The following VTCN1 variants were observed in gnomAD, a reference collection of about 807,000 sequenced individuals.
VTCN1 encodes the protein V-set domain containing T cell activation inhibitor 1.
VTCN1 carries 26 observed loss-of-function variants against 26.5 expected under a neutral mutation model. That is an observed-to-expected ratio of 0.98 (90% CI 0.72 to 1.36). The LOEUF (loss-of-function observed/expected upper bound fraction) is 1.36, where lower values mean the gene tolerates loss of function less well. Among genes scored for constraint, VTCN1 ranks in the 40% most tolerant of loss-of-function variants. The probability of loss-of-function intolerance (pLI) is 0.00; values close to 1 mark genes in which losing one functional copy is unlikely to be tolerated. For synonymous variants in VTCN1, 116 were observed against 130.7 expected (o/e 0.89, Z 0.77); for missense variants, 298 against 337.7 (o/e 0.88, Z 0.92).
intron 3 of VTCN1, 92 bp from the exon 4 acceptor site, chr1:117,153,461 A>ATTTT (rs57126217): frequency 3.9e-5 from 44 of 1,117,282 alleles, no homozygotes; most frequent in Middle Eastern, 3.0e-4. Context: ...AAATGCAGTC[A>ATTTT]TTTTTTTTTT....
chr1:117,153,153 T>C lies in VTCN1; in HGVS notation c.662A>G (p.Asn221Ser). Residue 221 changes from asparagine (N) to serine (S), a missense_variant, in exon 4 of 6, where the codon AAC becomes AGC. Coordinates refer to ENST00000369458, the MANE Select transcript of VTCN1 (RefSeq NM_024626.4). Reference sequence around the variant, plus strand: ...ATTTTCAATCATACAGGAGTATGTGTTGTTGATCGTAACATTGTAGAGCAC... The same window carrying C: ...ATTTTCAATCATACAGGAGTATGTGCTGTTGATCGTAACATTGTAGAGCAC... ...VSVLYNVTIN[N>S]TYSCMIENDI... 6.2e-7 allele frequency: 1 copy of C among 1,614,076 alleles called. No homozygotes were observed. The highest frequency in any genetic ancestry group is 8.5e-7 in the Non-Finnish European group (1 of 1,180,016).
intron 2 of VTCN1, among the ~76,000 whole-genome samples, chr1:117,160,640 T>C (rs989249403): frequency 6.6e-6 from 1 of 152,256 alleles, no homozygotes; most frequent in Non-Finnish European, 1.5e-5. Flanking sequence ...CATCCTTTCA[T>C]AGTCCATTCT....
chr1:117,205,016 A>ATATGTATATG (rs1464467065), intron 1 of VTCN1, among the ~76,000 whole-genome samples: 3 of 151,174 alleles, frequency 2.0e-5, no homozygotes, highest in Non-Finnish European at 1.5e-5. Context: ...ATATATGCGT[A>ATATGTATATG]TATATACACG....
intron 2 of VTCN1, among the ~76,000 whole-genome samples, chr1:117,164,396 G>T (rs573990193): frequency 6.6e-6 from 1 of 152,240 alleles, no homozygotes; most frequent in Non-Finnish European, 1.5e-5. Context: ...ACATGTTACA[G>T]TTCCAGGTTT....
intron 2 of VTCN1, among the ~76,000 whole-genome samples, chr1:117,162,090 T>C (rs1276475124): frequency 1.3e-5 from 2 of 152,190 alleles, no homozygotes; most frequent in Non-Finnish European, 2.9e-5. Context: ...CTGCAGGTTC[T>C]AGTCATTTAA....
intron 1 of VTCN1, among the ~76,000 whole-genome samples, chr1:117,204,461 T>C (rs1648943348): frequency 6.6e-6 from 1 of 152,172 alleles, no homozygotes; most frequent in Non-Finnish European, 1.5e-5. Flanking sequence ...TAAGTATGTA[T>C]GAAGTCTTGG....
At chr1:117,190,652 T>C (rs996393055) in intron 1 of VTCN1, among the ~76,000 whole-genome samples, 1 of 152,212 alleles carries the variant, frequency 6.6e-6, no homozygotes, top group African/African-American at 2.4e-5. Flanking sequence ...CCACTGGTAA[T>C]GGGCCCACCA....
intron 1 of VTCN1, among the ~76,000 whole-genome samples, chr1:117,194,205 C>T (rs891628770): frequency 6.6e-6 from 1 of 152,010 alleles, no homozygotes; most frequent in African/African-American, 2.4e-5. Flanking sequence ...TAAAAATGGG[C>T]AAAGACTTGA....
Position 117,147,841 on chromosome 1 carries a change from A to C in VTCN1, c.725-59T>G. 1.3e-6 allele frequency: 2 copies of C among 1,566,710 alleles called. No individual in the cohort carries two copies. The highest frequency in any genetic ancestry group is 1.7e-6 in the Non-Finnish European group (2 of 1,161,218). ...AGGAGAAGCTGGATGTCTTCTTCACATGACTGGTTAGCAAAGAAAAGTACC... is the reference window on the plus strand; with the variant it reads ...AGGAGAAGCTGGATGTCTTCTTCACCTGACTGGTTAGCAAAGAAAAGTACC... On this transcript the variant is annotated intron_variant, in intron 4 of 5. Transcript: ENST00000369458. The surrounding 1 kb of genome is among the most constrained non-coding windows in gnomAD (Gnocchi z 4.6).
chr1:117,205,612 C>T (rs1649018729), intron 1 of VTCN1, among the ~76,000 whole-genome samples: 2 of 152,136 alleles, frequency 1.3e-5, no homozygotes, highest in Non-Finnish European at 2.9e-5. Flanking sequence ...AATTCTTCTG[C>T]CATGACAGTC....
chr1:117,190,783 C>G (rs1247133485), intron 1 of VTCN1, among the ~76,000 whole-genome samples: 1 of 152,170 alleles, frequency 6.6e-6, no homozygotes, highest in Non-Finnish European at 1.5e-5. Context: ...TCCTTACCTG[C>G]CAAAACCAAT....
chr1:117,200,539 A>G (rs1391478337), intron 1 of VTCN1, among the ~76,000 whole-genome samples: 2 of 152,166 alleles, frequency 1.3e-5, no homozygotes, highest in African/African-American at 4.8e-5. Flanking sequence ...GGACAGGTAA[A>G]CATTACCCTT....
intron 1 of VTCN1, among the ~76,000 whole-genome samples, chr1:117,206,140 T>C (rs1166501049): frequency 1.2e-5 from 1 of 80,280 alleles, no homozygotes; most frequent in Admixed American, 1.7e-4. Context: ...GTGGACTTTA[T>C]TATTATCATT....
In VTCN1 at chr1:117,164,728, A is replaced by T. The variant is rs116799331; in HGVS notation, c.97+5379T>A. ...ATGGCTCTGATTCTGAGATTCTTCC[A>T]TTATACAGAGCTGTTCAAAGTCAGA... On this transcript the variant is annotated intron_variant, in intron 2 of 5. Transcript: ENST00000369458. Among the ~76,000 whole-genome samples, 1,088 of 152,344 alleles carry T rather than the reference A, an allele frequency of 7.1e-3. 18 individuals are homozygous for T. Among genetic ancestry groups the T allele is most frequent in the African/African-American group, 0.025 (1,025 of 41,576 alleles).
At chr1:117,203,838 C>T (rs1237763750) in intron 1 of VTCN1, 5 of 953,282 alleles carry the variant, frequency 5.2e-6, no homozygotes, top group Non-Finnish European at 6.2e-6. Context: ...GATTACCAGG[C>T]CCTGCCCCCA....
rs375076011 is a variant in VTCN1, at chr1:117,156,727, T to C, written c.292A>G (p.Arg98Gly). The change falls in exon 3 of 6, where the codon AGA becomes GGA. Residue 98 changes from arginine to glycine, a missense_variant. Coordinates refer to ENST00000369458, the MANE Select transcript of VTCN1 (RefSeq NM_024626.4). Reference sequence around the variant, plus strand: ...TCAGCAAACACTGCTGTCCGGCCTCTGAACATTTCATCCTGCTCCGACAGC... The same window carrying C: ...TCAGCAAACACTGCTGTCCGGCCTCCGAACATTTCATCCTGCTCCGACAGC... ...DELSEQDEMF[R>G]GRTAVFADQV... The C allele has an allele frequency of 6.8e-6, 11 of 1,614,098 alleles. No homozygotes were observed. The highest frequency in any genetic ancestry group is 8.5e-6 in the Non-Finnish European group (10 of 1,180,044).
At chr1:117,178,045 C>A (rs1161455749) in intron 1 of VTCN1, among the ~76,000 whole-genome samples, 1 of 149,796 alleles carries the variant, frequency 6.7e-6, no homozygotes, top group African/African-American at 2.5e-5. Context: ...CTCAAGCAAT[C>A]CTTCCACCAC....
At chr1:117,154,266 T>C (rs1045871688) in intron 3 of VTCN1, among the ~76,000 whole-genome samples, 22 of 152,180 alleles carry the variant, frequency 1.4e-4, no homozygotes, top group Non-Finnish European at 2.8e-4. Flanking sequence ...CCACCATTCA[T>C]TGAGGGTATA....
chr1:117,153,461 ATT>A (rs57126217), intron 3 of VTCN1, 92 bp from the exon 4 acceptor site: 59,198 of 1,070,372 alleles, frequency 0.055, 17 homozygotes, highest in South Asian at 0.064. Flanking sequence ...AAATGCAGTC[ATT>A]TTTTTTTTTT....
Sources: allele counts gnomAD v4.1 joint callset (sites outside exome capture counted in the v4.1 genomes callset), GRCh38; gene constraint gnomAD v4.1.1; non-coding constraint Gnocchi (gnomAD v3.1); transcripts MANE v1.5; gene names NCBI Gene and HGNC (gene_info 2026-07-23, HGNC 2026-07-21).